PITPNC1: variants seen among roughly 807,000 people sequenced by gnomAD.
The protein encoded by PITPNC1 is cytoplasmic phosphatidylinositol transfer protein 1.
A neutral mutation model predicts 44.7 loss-of-function variants in PITPNC1; 18 were observed. That is an observed-to-expected ratio of 0.40 (90% CI 0.28 to 0.60). The LOEUF (loss-of-function observed/expected upper bound fraction) is 0.60, where lower values mean the gene tolerates loss of function less well. Among genes scored for constraint, PITPNC1 ranks in the 20% least tolerant of loss-of-function variants. The pLI is 0.39. For synonymous variants in PITPNC1, 141 were observed against 149.6 expected (o/e 0.94, Z 0.42); for missense variants, 290 against 418.4 (o/e 0.69, Z 2.68).
At chr17:67,473,980 A>G (rs2039589183) in intron 1 of PITPNC1, among the ~76,000 whole-genome samples, 1 of 152,220 alleles carries the variant, frequency 6.6e-6, no homozygotes, top group African/African-American at 2.4e-5. Context: ...ATTTATTTAT[A>G]TCAGTGTGGA....
At chr17:67,681,914 G>T (rs2042716269) in intron 8 of PITPNC1, among the ~76,000 whole-genome samples, 1 of 152,010 alleles carries the variant, frequency 6.6e-6, no homozygotes. Flanking sequence ...GAATACACAT[G>T]AGGCCAGGTG....
At chr17:67,625,979 T>G (rs1414357403) in intron 5 of PITPNC1, among the ~76,000 whole-genome samples, 3 of 151,832 alleles carry the variant, frequency 2.0e-5, no homozygotes, top group Non-Finnish European at 2.9e-5. Flanking sequence ...TGTTTGTTGT[T>G]TTTTTTTTTG....
intron 4 of PITPNC1, among the ~76,000 whole-genome samples, chr17:67,567,311 C>T (rs1288632191): frequency 2.6e-5 from 4 of 151,880 alleles, no homozygotes; most frequent in Non-Finnish European, 4.4e-5. Flanking sequence ...TGGTAAACCC[C>T]GTTTCTACTA....
At chr17:67,416,673 T>C (rs2038594282) in intron 1 of PITPNC1, among the ~76,000 whole-genome samples, 1 of 152,178 alleles carries the variant, frequency 6.6e-6, no homozygotes, top group Non-Finnish European at 1.5e-5. Flanking sequence ...TCCTGGCATA[T>C]TTGAGAAGTA....
chr17:67,656,319 C>A (rs1248704980), intron 6 of PITPNC1, among the ~76,000 whole-genome samples: 1 of 152,142 alleles, frequency 6.6e-6, no homozygotes, highest in South Asian at 2.1e-4. Flanking sequence ...TCCAAAATTT[C>A]CTTGGTTTGT....
intron 1 of PITPNC1, among the ~76,000 whole-genome samples, chr17:67,522,911 C>T (rs142539449): frequency 9.1e-4 from 139 of 152,058 alleles, no homozygotes; most frequent in Middle Eastern, 3.4e-3. Flanking sequence ...CTCAAGCTGT[C>T]CTCCCACCTC....
intron 8 of PITPNC1, among the ~76,000 whole-genome samples, chr17:67,680,314 T>C (rs2042678895): frequency 6.6e-6 from 1 of 152,028 alleles, no homozygotes; most frequent in African/African-American, 2.4e-5. Context: ...AAATCACAAC[T>C]ATAAGGCTGG....
intron 1 of PITPNC1, among the ~76,000 whole-genome samples, chr17:67,386,546 C>T (rs936946249): frequency 3.9e-5 from 6 of 152,288 alleles, no homozygotes; most frequent in Admixed American, 3.9e-4. Flanking sequence ...CTTCCCCTCT[C>T]CTAGGGATGT....
At chr17:67,466,205 T>TGGGGGGGTG (rs2039425830) in intron 1 of PITPNC1, among the ~76,000 whole-genome samples, 1 of 27,746 alleles carries the variant, frequency 3.6e-5, no homozygotes, top group Non-Finnish European at 2.7e-4. Context: ...GGTGGGGGGG[T>TGGGGGGGTG]GGGGGGGGGC....
At chr17:67,535,550 G>T (rs1486013932) in intron 2 of PITPNC1, among the ~76,000 whole-genome samples, 1 of 152,100 alleles carries the variant, frequency 6.6e-6, no homozygotes, top group East Asian at 1.9e-4. Context: ...TGTCTGTTTT[G>T]TCATATCATA....
intron 6 of PITPNC1, chr17:67,632,561 C>T (rs900023977): frequency 2.5e-5 from 6 of 240,496 alleles, no homozygotes; most frequent in Non-Finnish European, 3.9e-5. Flanking sequence ...TCCCCAATTA[C>T]ATGCGCTCTT....
In PITPNC1 at chr17:67,619,641, G is replaced by A. The variant is rs149207740; in HGVS notation, c.367-12502G>A. Among the ~76,000 whole-genome samples, 495 of 152,236 alleles carry A rather than the reference G, an allele frequency of 3.3e-3. 11 individuals are homozygous for A. The highest frequency in any genetic ancestry group is 0.011 in the African/African-American group (468 of 41,528). Reference sequence around the variant, plus strand: ...CCCGCAGATGATGCTGAGGGCAGCCGCCTTACTCCACCCCACCTTCATCTC... The same window carrying A: ...CCCGCAGATGATGCTGAGGGCAGCCACCTTACTCCACCCCACCTTCATCTC... On this transcript the variant is annotated intron_variant, in intron 5 of 8. Coordinates refer to ENST00000581322, the MANE Select transcript of PITPNC1 (RefSeq NM_012417.4).
rs1337984741 is a variant in PITPNC1 at position 67,697,034 on chromosome 17, T to C, written c.*4146T>C. The C allele has an allele frequency of 1.3e-5, 2 of 152,220 alleles. No homozygotes were observed. Among genetic ancestry groups the C allele is most frequent in the South Asian group, 2.1e-4 (1 of 4,832 alleles). The allele number at this position is 152,220 out of a possible 1,614,324, so 9.4% of individuals were successfully genotyped here. Reference sequence around the variant, plus strand: ...GTTTACATTCAAGCTGGGATCTTGATTGGTTAAATTAATCCACATACCACT... The same window carrying C: ...GTTTACATTCAAGCTGGGATCTTGACTGGTTAAATTAATCCACATACCACT... On this transcript the variant is annotated 3_prime_UTR_variant, in exon 9 of 9. Coordinates refer to ENST00000581322, the MANE Select transcript of PITPNC1 (RefSeq NM_012417.4).
In PITPNC1 at chr17:67,403,218, C is replaced by CAAAAAAAAAAAAAAAAA. The variant is rs34768084; in HGVS notation, c.48+25023_48+25039dup. Reference sequence around the variant, plus strand: ...GGCAACACAGTGGACCTCATCTCTACAAAAAAAAAAAAAAAAAAAAAAAGT... The same window carrying CAAAAAAAAAAAAAAAAA: ...GGCAACACAGTGGACCTCATCTCTACAAAAAAAAAAAAAAAAAAAAAAAAAAAAAAAAAAAAAAAAGT... On this transcript the variant is annotated intron_variant, in intron 1 of 8. Transcript: ENST00000581322. Among the ~76,000 whole-genome samples the CAAAAAAAAAAAAAAAAA allele has an allele frequency of 6.2e-4, 43 of 68,962 alleles. 4 individuals carry two copies. Among genetic ancestry groups the CAAAAAAAAAAAAAAAAA allele is most frequent in the African/African-American group, 1.9e-3 (36 of 19,118 alleles). The allele number at this position is 68,962 out of a possible 152,430, so 45.2% of individuals were successfully genotyped here.
intron 2 of PITPNC1, among the ~76,000 whole-genome samples, chr17:67,544,898 G>A (rs2040657424): frequency 6.6e-6 from 1 of 152,200 alleles, no homozygotes; most frequent in African/African-American, 2.4e-5. Flanking sequence ...ACAGGCAATA[G>A]AGACAGCATC....
intron 1 of PITPNC1, among the ~76,000 whole-genome samples, chr17:67,502,744 C>CATTGTATTGT (rs71139151): frequency 0.068 from 9,396 of 137,828 alleles, 510 homozygotes; most frequent in Middle Eastern, 0.12. Flanking sequence ...CATTGCATTG[C>CATTGTATTGT]ATTGTATTGT....
Position 67,550,046 on chromosome 17 carries a change from G to C in PITPNC1, c.198-2211G>C, listed in dbSNP as rs188506708. On this transcript the variant is annotated intron_variant, in intron 2 of 8. Transcript: ENST00000581322. ...AGCCAGTGTAATTTTCCCACTGTCA[G>C]CGTCACCTGAGTTGCACTCCAACTT... Among the ~76,000 whole-genome samples the C allele has an allele frequency of 6.6e-5, 10 of 152,262 alleles. No individual in the cohort carries two copies. In the East Asian group the frequency reaches 1.9e-3, roughly 29 times the overall value.
intron 5 of PITPNC1, among the ~76,000 whole-genome samples, chr17:67,579,531 G>A (rs551263683): frequency 1.8e-4 from 27 of 152,054 alleles, no homozygotes; most frequent in African/African-American, 5.5e-4. Context: ...AATCACAGGC[G>A]CGTTGCTGGC....
intron 1 of PITPNC1, among the ~76,000 whole-genome samples, chr17:67,412,989 ATAATACCTTC>A (rs2038526817): frequency 6.6e-6 from 1 of 152,194 alleles, no homozygotes; most frequent in Non-Finnish European, 1.5e-5. Context: ...TGGTTGCTAG[ATAATACCTTC>A]GGTGTTTTTG....
Sources: gnomAD v4.1 joint callset for allele counts (sites outside exome capture counted in the v4.1 genomes callset) on GRCh38, gnomAD v4.1.1 for gene constraint, MANE v1.5 for transcripts, NCBI Gene and HGNC (gene_info 2026-07-23, HGNC 2026-07-21) for gene names.